The following SSU72 variants were observed in gnomAD, a reference collection of about 807,000 sequenced individuals.
SSU72 encodes RNA polymerase II subunit A C-terminal domain phosphatase SSU72.
A neutral mutation model predicts 22.7 loss-of-function variants in SSU72; 12 were observed. The observed-to-expected ratio is 0.53, with a 90% CI of 0.34 to 0.86. The LOEUF is 0.86. SSU72 is among the 40% of genes least tolerant of loss of function. SSU72 has a pLI of 0.02. For synonymous variants in SSU72, 116 were observed against 98.3 expected, an observed-to-expected ratio of 1.18 and a Z score of -1.06; for missense variants, 151 against 249.8, an observed-to-expected ratio of 0.60 and a Z score of 2.67.
intron 2 of SSU72, chr1:1,563,389 C>T (rs1642619550): frequency 6.6e-6 from 1 of 151,870 alleles, no homozygotes; most frequent in African/African-American, 2.4e-5. Context: ...AAAAATTAGC[C>T]AGGCATGACA....
chr1:1,543,552 C>T (rs1396591267), intron 4 of SSU72, among the ~76,000 whole-genome samples: 2 of 152,156 alleles, frequency 1.3e-5, no homozygotes, highest in Non-Finnish European at 2.9e-5. Context: ...GCGAGCTGAG[C>T]AGACCTTGCC....
chr1:1,574,284 G>A (rs1038317949), intron 1 of SSU72, among the ~76,000 whole-genome samples, 194 bp downstream of exon 1: 6 of 152,088 alleles, frequency 3.9e-5, no homozygotes, highest in African/African-American at 1.4e-4. Flanking sequence ...CCCGGAACCT[G>A]CCTTCCCTGT....
intron 2 of SSU72, chr1:1,560,772 A>G (rs1489458508): frequency 6.6e-6 from 1 of 152,268 alleles, no homozygotes; most frequent in Non-Finnish European, 1.5e-5. Context: ...GGATCACTTG[A>G]GGCCAGGAGT....
At chr1:1,544,776 T>C (rs759337040) in intron 3 of SSU72, 87 bp downstream of exon 3, 3 of 1,589,806 alleles carry the variant, frequency 1.9e-6, no homozygotes, top group African/African-American at 1.3e-5. Context: ...CTAGACGGGC[T>C]GTACTGGTCA....
At chr1:1,557,146 C>T (rs4320726) in intron 2 of SSU72, among the ~76,000 whole-genome samples, 11,794 of 152,288 alleles carry the variant, frequency 0.077, 676 homozygotes, top group Admixed American at 0.18. Context: ...GACGCAGTGG[C>T]TCACACCTGT....
intron 2 of SSU72, among the ~76,000 whole-genome samples, chr1:1,551,092 T>C (rs1642450730): frequency 1.3e-5 from 2 of 152,088 alleles, no homozygotes; most frequent in Non-Finnish European, 2.9e-5. Context: ...GGACCTTCCA[T>C]GTGGGTTAAA....
intron 2 of SSU72, among the ~76,000 whole-genome samples, chr1:1,551,940 A>T (rs1642460785): frequency 6.6e-6 from 1 of 152,160 alleles, no homozygotes; most frequent in South Asian, 2.1e-4. Context: ...AGAGCACAGC[A>T]AAGTCAGCCC....
At position 1,574,604 on chromosome 1, in the gene SSU72, T is replaced by C. The variant is rs2100727499; in HGVS notation, c.-47A>G. On this transcript the variant is annotated 5_prime_UTR_variant, in exon 1 of 5. Coordinates refer to ENST00000291386, the MANE Select transcript of SSU72 (RefSeq NM_014188.3). ...GGCTCTCCCGCTTGGGTTCCCACCC[T>C]ACCGCGGCGCTTCCGCGCGAACAAA... The C allele has an allele frequency of 2.0e-6, 3 of 1,528,080 alleles. No homozygotes were observed. The highest frequency in any genetic ancestry group is 1.4e-5 in the African/African-American group (1 of 69,702). The allele number at this position is 1,528,080 out of a possible 1,614,324, so 94.7% of individuals were successfully genotyped here.
intron 1 of SSU72, among the ~76,000 whole-genome samples, chr1:1,569,620 C>T (rs535828239): frequency 5.9e-5 from 9 of 152,234 alleles, no homozygotes; most frequent in South Asian, 2.1e-4. Context: ...CTTGCTGCCC[C>T]GTCTCCCAAG....
At chr1:1,552,836 T>C (rs1051372314) in intron 2 of SSU72, among the ~76,000 whole-genome samples, 11 of 151,858 alleles carry the variant, frequency 7.2e-5, no homozygotes, top group African/African-American at 2.7e-4. Flanking sequence ...GCCTGGCCAA[T>C]ATGGCAAAAC....
Position 1,544,089 on chromosome 1 carries a change from A to C in SSU72, c.365-102T>G, listed in dbSNP as rs564828240. The C allele has an allele frequency of 1.7e-5, 15 of 863,276 alleles. No homozygotes were observed. The African/African-American group carries it at 2.0e-4, about 12-fold the overall frequency. 53.5% of individuals were successfully genotyped at this position (863,276 alleles called of 1,614,324 possible). Reference sequence around the variant, plus strand: ...GCTCTGCCGGCTGCAGGCCCAGCCCAGCCCCAGTGGTTTCTGGACTCTGCA... The same window carrying C: ...GCTCTGCCGGCTGCAGGCCCAGCCCCGCCCCAGTGGTTTCTGGACTCTGCA... On this transcript the variant is annotated intron_variant, in intron 3 of 4. Transcript: ENST00000291386.
At chr1:1,553,076 T>C (rs1395846371) in intron 2 of SSU72, among the ~76,000 whole-genome samples, 1 of 151,656 alleles carries the variant, frequency 6.6e-6, no homozygotes, top group Non-Finnish European at 1.5e-5. Context: ...GGTCTTAAAT[T>C]GTGAATTATT....
chr1:1,568,941 G>C (rs1281452365), intron 1 of SSU72, among the ~76,000 whole-genome samples: 2 of 152,088 alleles, frequency 1.3e-5, no homozygotes, highest in African/African-American at 2.4e-5. Flanking sequence ...GGAAGCCAAG[G>C]CAGGCAGATC....
Position 1,564,933 on chromosome 1 carries a change from G to A in SSU72, c.81-17C>T, listed in dbSNP as rs1642640052. On this transcript the variant is annotated splice_polypyrimidine_tract_variant and intron_variant, in intron 1 of 4. Coordinates refer to ENST00000291386, the MANE Select transcript of SSU72 (RefSeq NM_014188.3). ...CCCCGTTTGCTGAAAGACAAAAGGA[G>A]AGAAAGAATCACAGTCACACTAAGA... The A allele has an allele frequency of 1.3e-6, 2 of 1,579,004 alleles. No homozygotes were observed. Among genetic ancestry groups the A allele is most frequent in the Non-Finnish European group, 1.7e-6 (2 of 1,163,780 alleles).
intron 2 of SSU72, among the ~76,000 whole-genome samples, chr1:1,548,903 G>A (rs774161950): frequency 7.9e-5 from 12 of 152,214 alleles, no homozygotes; most frequent in Non-Finnish European, 1.6e-4. Flanking sequence ...TGTCACTCCC[G>A]TCCCACAGTG....
intron 2 of SSU72, chr1:1,564,415 C>G: frequency 7.0e-7 from 1 of 1,431,388 alleles, no homozygotes; most frequent in Non-Finnish European, 9.2e-7. Context: ...CGCACACCAA[C>G]CTGCAAAGGA....
rs201158998 is a variant in SSU72, at chr1:1,543,851, G to A, written c.483+18C>T. The A allele has an allele frequency of 1.3e-5, 20 of 1,596,376 alleles. No homozygotes were observed. The African/African-American group carries it at 1.3e-4, about 11-fold the overall frequency. On this transcript the variant is annotated intron_variant, in intron 4 of 4. Transcript: ENST00000291386. The stretch of plus-strand genomic sequence containing the variant: ...TGTCACAACCTCTGCCCAGCGCGGC[G>A]CCCAGCCGGGTACTTACACACTGGC...
intron 1 of SSU72, among the ~76,000 whole-genome samples, chr1:1,571,422 C>T (rs533946197): frequency 7.2e-6 from 1 of 138,776 alleles, no homozygotes; most frequent in Admixed American, 7.4e-5. Flanking sequence ...CAGAGGGAGA[C>T]TCCGACTTCA....
At chr1:1,573,176 A>G (rs979055294) in intron 1 of SSU72, among the ~76,000 whole-genome samples, 2 of 151,092 alleles carry the variant, frequency 1.3e-5, no homozygotes, top group Admixed American at 1.3e-4. Flanking sequence ...TAATCCCAGC[A>G]CTTTGGGAGG....
Sources: allele counts gnomAD v4.1 joint callset (sites outside exome capture counted in the v4.1 genomes callset), GRCh38; gene constraint gnomAD v4.1.1; transcripts MANE v1.5; gene names NCBI Gene and HGNC (gene_info 2026-07-23, HGNC 2026-07-21).